VPS8: variants seen among roughly 807,000 people sequenced by gnomAD.
The protein encoded by VPS8 is vacuolar protein sorting-associated protein 8 homolog.
VPS8 carries 129 observed loss-of-function variants against 216.4 expected under a neutral mutation model. That is an observed-to-expected ratio of 0.60 (90% CI 0.52 to 0.69). The LOEUF (loss-of-function observed/expected upper bound fraction) is 0.69, where lower values mean the gene tolerates loss of function less well. Ranked by LOEUF, VPS8 falls within the 30% of genes least tolerant of loss-of-function variation. VPS8 has a pLI of 0.00. For synonymous variants in VPS8, 571 were observed against 565.4 expected, an observed-to-expected ratio of 1.01 and a Z score of -0.14; for missense variants, 1,531 against 1,683.5, an observed-to-expected ratio of 0.91 and a Z score of 1.59.
At chr3:184,887,984 A>G (rs1388469508) in intron 22 of VPS8, among the ~76,000 whole-genome samples, 3 of 147,910 alleles carry the variant, frequency 2.0e-5, no homozygotes, top group Non-Finnish European at 3.0e-5. Flanking sequence ...TGTTGAGAAC[A>G]TTACTTTTTT....
chr3:184,844,867 CAG>C (rs1229023857), intron 8 of VPS8, among the ~76,000 whole-genome samples: 5 of 152,166 alleles, frequency 3.3e-5, no homozygotes, highest in Non-Finnish European at 7.4e-5. Context: ...CTGTCATAAA[CAG>C]TAATTCCTTG....
At chr3:184,984,194 A>AAAAAAAAAAAAAAAAAAAACCTCACCAAG in intron 42 of VPS8, among the ~76,000 whole-genome samples, 19 of 46,526 alleles carry the variant, frequency 4.1e-4, no homozygotes, top group African/African-American at 1.3e-3. Flanking sequence ...AAAAAAAAAA[A>AAAAAAAAAAAAAAAAAAAACCTCACCAAG]CTCTACTTCC....
intron 20 of VPS8, among the ~76,000 whole-genome samples, chr3:184,870,113 C>T (rs141759118): frequency 1.2e-3 from 183 of 152,226 alleles, no homozygotes; most frequent in African/African-American, 4.1e-3. Flanking sequence ...TATAAACTTA[C>T]TAGTAATTAT....
At chr3:185,020,438 T>C (rs1756480672) in intron 45 of VPS8, among the ~76,000 whole-genome samples, 1 of 152,116 alleles carries the variant, frequency 6.6e-6, no homozygotes, top group African/African-American at 2.4e-5. Context: ...TCACTGAACA[T>C]GTATTTCTTT....
intron 45 of VPS8, among the ~76,000 whole-genome samples, chr3:185,006,825 A>G (rs1189784571): frequency 1.8e-5 from 2 of 109,696 alleles, no homozygotes; most frequent in Non-Finnish European, 3.9e-5. Context: ...TGCCTTTGTA[A>G]TGCAGTCCTT....
rs1462416546 is a variant in VPS8, at chr3:185,024,316, T to C, written c.4003-20T>C. ...GACTATAACTGAAAGGGTATTAAAA[T>C]GTTTGCCTTTTTTTTCCAGGTAAAA... is the stretch of plus-strand genomic sequence containing the variant. On this transcript the variant is annotated intron_variant, in intron 45 of 47. Coordinates refer to ENST00000625842, the MANE Select transcript of VPS8 (RefSeq NM_001009921.3). 1.3e-6 allele frequency: 2 copies of C among 1,572,934 alleles called. No individual in the cohort carries two copies. The highest frequency in any genetic ancestry group is 4.6e-5 in the East Asian group (2 of 43,630).
At chr3:184,871,303 T>TAA (rs1728308340) in intron 21 of VPS8, among the ~76,000 whole-genome samples, 1 of 151,530 alleles carries the variant, frequency 6.6e-6, no homozygotes, top group Non-Finnish European at 1.5e-5. Flanking sequence ...AAGAACAATG[T>TAA]AGACGTGTAT....
chr3:184,983,705 C>T (rs1015939861), intron 42 of VPS8, among the ~76,000 whole-genome samples: 1 of 152,090 alleles, frequency 6.6e-6, no homozygotes, highest in East Asian at 1.9e-4. Context: ...CTTGGGGAAA[C>T]AACAGGAATT....
chr3:184,869,692 T>A (rs1325231656), intron 20 of VPS8, among the ~76,000 whole-genome samples, 164 bp downstream of exon 20: 1 of 151,820 alleles, frequency 6.6e-6, no homozygotes, highest in African/African-American at 2.4e-5. Flanking sequence ...GGTTCAAGAC[T>A]AGCATGGGCA....
chr3:184,827,270 T>C (rs1719003077), intron 3 of VPS8, among the ~76,000 whole-genome samples: 1 of 152,238 alleles, frequency 6.6e-6, no homozygotes, highest in South Asian at 2.1e-4. Flanking sequence ...ATTTTTCTTG[T>C]ATGGCTTTTA....
At chr3:184,837,989 T>C (rs1254592512) in intron 5 of VPS8, among the ~76,000 whole-genome samples, 1 of 152,216 alleles carries the variant, frequency 6.6e-6, no homozygotes, top group African/African-American at 2.4e-5. Context: ...CAGTACTGTA[T>C]CACTACAAAC....
rs750578231 is a variant in VPS8 at position 184,913,553 on chromosome 3, A to G, written c.2181A>G (p.Val727=). The change falls in exon 26 of 48, where the codon GTA becomes GTG. Residue 727 remains valine (V), a synonymous_variant. Transcript: ENST00000625842. ...EQVVMGNKLL[V]YISCCLAGRA... is the part of the protein sequence containing the mutation. ...TTGTTATGGGCAATAAGCTCCTTGT[A>G]TATATTAGGTAAGATTGTTTTATTT... 3 of 1,580,536 alleles carry G rather than the reference A, an allele frequency of 1.9e-6. No individual in the cohort carries two copies. Among genetic ancestry groups the G allele is most frequent in the Non-Finnish European group, 2.6e-6 (3 of 1,162,308 alleles).
chr3:185,049,600 G>A (rs1183477433), intron 47 of VPS8, among the ~76,000 whole-genome samples: 4 of 151,990 alleles, frequency 2.6e-5, no homozygotes, highest in Admixed American at 2.6e-4. Flanking sequence ...CTAAAACCAA[G>A]TATGTCATGT....
At chr3:184,850,139 G>A in intron 10 of VPS8, 117 bp downstream of exon 10, 1 of 736,716 alleles carries the variant, frequency 1.4e-6, no homozygotes, top group Non-Finnish European at 2.2e-6. Flanking sequence ...ACATGAAGCT[G>A]AACATTACCT....
At chr3:185,021,987 C>G (rs1380586278) in intron 45 of VPS8, among the ~76,000 whole-genome samples, 4 of 152,102 alleles carry the variant, frequency 2.6e-5, no homozygotes, top group Non-Finnish European at 5.9e-5. Flanking sequence ...TATGGTTTGG[C>G]CATGTCCCCA....
chr3:184,822,057 T>C (rs971195100), intron 1 of VPS8, among the ~76,000 whole-genome samples: 2 of 149,774 alleles, frequency 1.3e-5, no homozygotes, highest in Non-Finnish European at 2.9e-5. Flanking sequence ...TTTAATGATA[T>C]AGAAATAGAG....
At chr3:184,845,577 G>T (rs904099362) in intron 8 of VPS8, among the ~76,000 whole-genome samples, 1 of 151,878 alleles carries the variant, frequency 6.6e-6, no homozygotes, top group African/African-American at 2.4e-5. Context: ...CTAACATGGA[G>T]AAACCCTGTC....
rs551441696 is a variant in VPS8 at position 184,996,574 on chromosome 3, G to A, written c.3836+73G>A. The A allele has an allele frequency of 1.2e-5, 18 of 1,475,856 alleles. No individual in the cohort carries two copies. The East Asian group carries it at 4.1e-4, about 34-fold the overall frequency. The allele number at this position is 1,475,856 out of a possible 1,614,324, so 91.4% of individuals were successfully genotyped here. On this transcript the variant is annotated intron_variant, in intron 44 of 47. Transcript: ENST00000625842. ...GGCATTACCAGGCAAGAATCCACAT[G>A]GATACACGGGTAGTCATTCTAGCAG...
intron 1 of VPS8, chr3:184,817,377 A>G (rs1245318103): frequency 6.6e-6 from 1 of 152,268 alleles, no homozygotes; most frequent in Non-Finnish European, 1.5e-5. Context: ...TTGCTCTCTC[A>G]TGGAACCTGC....
Sources: gnomAD v4.1 joint callset for allele counts (sites outside exome capture counted in the v4.1 genomes callset) on GRCh38, gnomAD v4.1.1 for gene constraint, MANE v1.5 for transcripts, NCBI Gene and HGNC (gene_info 2026-07-23, HGNC 2026-07-21) for gene names.